Variants in SOX5 observed in about 807,000 individuals in gnomAD.
SOX5 encodes the protein SRY-box transcription factor 5.
A neutral mutation model predicts 92.0 loss-of-function variants in SOX5; 9 were observed. The observed-to-expected ratio is 0.10, with a 90% CI of 0.06 to 0.17. The LOEUF (loss-of-function observed/expected upper bound fraction) is 0.17, where lower values mean the gene tolerates loss of function less well. Among genes scored for constraint, SOX5 ranks in the 10% least tolerant of loss-of-function variants. SOX5 has a pLI of 1.00. For synonymous variants in SOX5, 344 were observed against 336.3 expected (o/e 1.02, Z -0.25); for missense variants, 642 against 944.5 (o/e 0.68, Z 4.20).
At chr12:23,870,519 G>C (rs4363705) in intron 2 of SOX5, among the ~76,000 whole-genome samples, 1 of 151,974 alleles carries the variant, frequency 6.6e-6, no homozygotes, top group African/African-American at 2.4e-5. Flanking sequence ...ACACAAGAAA[G>C]CACTTAACAA....
intron 6 of SOX5, among the ~76,000 whole-genome samples, chr12:23,702,247 T>C (rs1310336929): frequency 6.6e-6 from 1 of 152,082 alleles, no homozygotes; most frequent in Non-Finnish European, 1.5e-5. Context: ...AAGGTGAAGA[T>C]GAGAAGGTTG....
chr12:23,640,962 A>C, intron 7 of SOX5, 65 bp from the exon 8 acceptor site: 498 of 1,065,174 alleles, frequency 4.7e-4, no homozygotes, highest in Non-Finnish European at 6.5e-4. Context: ...AATTAAACTC[A>C]TGCATTCACT....
At chr12:24,401,749 T>G (rs938011606) in intron 1 of SOX5, among the ~76,000 whole-genome samples, 2 of 150,780 alleles carry the variant, frequency 1.3e-5, no homozygotes, top group African/African-American at 4.9e-5. Flanking sequence ...TGCAAAATAT[T>G]TTTTTCACTT....
At chr12:23,711,233 T>C (rs2092021922) in intron 6 of SOX5, among the ~76,000 whole-genome samples, 1 of 152,234 alleles carries the variant, frequency 6.6e-6, no homozygotes, top group Admixed American at 6.5e-5. Context: ...GAAGCCTTAT[T>C]ATCTCCCATG....
chr12:24,513,464 C>T (rs1949507598), intron 1 of SOX5, among the ~76,000 whole-genome samples: 1 of 152,172 alleles, frequency 6.6e-6, no homozygotes, highest in Admixed American at 6.5e-5. Context: ...GCATGCTTTT[C>T]TTCTAATTAA....
rs1351086937 is a variant in SOX5, at chr12:23,534,537, ATTTCC to A, written c.1989-20_1989-16del. ...GTGCTTGTTGCCTGTCAAGAAAGGA[ATTTCC>A]AAAAAGACATCGTGGGTAAGTGAAT... On this transcript the variant is annotated splice_polypyrimidine_tract_variant and intron_variant, in intron 14 of 14. Coordinates refer to ENST00000451604, the MANE Select transcript of SOX5 (RefSeq NM_006940.6). The A allele has an allele frequency of 6.2e-7, 1 of 1,601,422 alleles. No individual in the cohort carries two copies. Among genetic ancestry groups the A allele is most frequent in the Non-Finnish European group, 8.5e-7 (1 of 1,173,814 alleles).
At chr12:24,351,983 A>C (rs547807540) in intron 2 of SOX5, among the ~76,000 whole-genome samples, 1 of 152,364 alleles carries the variant, frequency 6.6e-6, no homozygotes, top group African/African-American at 2.4e-5. Flanking sequence ...TTCTAAAGGG[A>C]CTGTGAAAGA....
rs1168518667 is a variant in SOX5, at chr12:24,263,583, AAAC to A, written c.-77+13630_-77+13632del. Among the ~76,000 whole-genome samples, 3 of 151,546 alleles carry A rather than the reference AAAC, an allele frequency of 2.0e-5. No individual in the cohort carries two copies. In the East Asian group the frequency reaches 5.8e-4, roughly 29 times the overall value. ...ACAAGAAATTACTAAAAGGAAGATG[AAAC>A]AATACAGAATATATTAATAATCTTT... On this transcript the variant is annotated intron_variant, in intron 3 of 4. Coordinates refer to the SOX5 transcript ENST00000446891.
chr12:23,577,523 T>A (rs1565977439), intron 9 of SOX5, among the ~76,000 whole-genome samples: 3 of 151,938 alleles, frequency 2.0e-5, no homozygotes, highest in Non-Finnish European at 4.4e-5. Flanking sequence ...TTAAGTGGCT[T>A]AATATTATTA....
intron 4 of SOX5, among the ~76,000 whole-genome samples, chr12:23,969,220 C>T (rs1226468967): frequency 1.3e-5 from 2 of 152,138 alleles, no homozygotes; most frequent in South Asian, 2.1e-4. Context: ...GTAATTGTCT[C>T]TACTGTCATT....
intron 4 of SOX5, among the ~76,000 whole-genome samples, chr12:24,096,779 AGT>A (rs961075921): frequency 1.1e-4 from 17 of 151,860 alleles, no homozygotes; most frequent in African/African-American, 3.9e-4. Context: ...CTTGTGCAAA[AGT>A]GTGTGTGTGT....
intron 1 of SOX5, among the ~76,000 whole-genome samples, chr12:24,376,606 G>C (rs1957280931): frequency 6.9e-6 from 1 of 144,208 alleles, no homozygotes; most frequent in Non-Finnish European, 1.5e-5. Context: ...ATATTTTATA[G>C]TAGCTCCTAT....
At chr12:23,904,773 T>C (rs2097273835) in intron 1 of SOX5, among the ~76,000 whole-genome samples, 1 of 152,198 alleles carries the variant, frequency 6.6e-6, no homozygotes, top group South Asian at 2.1e-4. Flanking sequence ...GTTCTCTGCA[T>C]TGAGATCAAG....
intron 4 of SOX5, among the ~76,000 whole-genome samples, chr12:24,060,724 C>A (rs937076029): frequency 1.3e-5 from 2 of 152,176 alleles, no homozygotes. Flanking sequence ...CTAATGGGTT[C>A]TCTATGCGGG....
At chr12:24,398,968 C>T (rs973653310) in intron 1 of SOX5, among the ~76,000 whole-genome samples, 8 of 152,110 alleles carry the variant, frequency 5.3e-5, no homozygotes, top group Non-Finnish European at 7.3e-5. Context: ...AACAGCTTCA[C>T]TATACATGGA....
At chr12:23,960,641 CA>C (rs1946822867) in intron 4 of SOX5, among the ~76,000 whole-genome samples, 1 of 149,106 alleles carries the variant, frequency 6.7e-6, no homozygotes, top group Non-Finnish European at 1.5e-5. Flanking sequence ...CAGCTGTTAA[CA>C]AAAACAAGGA....
intron 3 of SOX5, among the ~76,000 whole-genome samples, chr12:24,240,895 TTTC>T (rs1965437402): frequency 6.6e-6 from 1 of 152,218 alleles, no homozygotes; most frequent in Non-Finnish European, 1.5e-5. Flanking sequence ...TGTACAGATT[TTTC>T]TTAATGACAT....
chr12:24,132,241 T>C (rs539055227), intron 4 of SOX5, among the ~76,000 whole-genome samples: 1 of 152,198 alleles, frequency 6.6e-6, no homozygotes, highest in African/African-American at 2.4e-5. Flanking sequence ...ATTAAACAAA[T>C]TAAACAGTTA....
chr12:23,691,311 C>T (rs1471486548), intron 6 of SOX5, among the ~76,000 whole-genome samples: 1 of 152,184 alleles, frequency 6.6e-6, no homozygotes, highest in Non-Finnish European at 1.5e-5. Flanking sequence ...ACAATTCTAG[C>T]CTTTAAATTG....
Sources: gnomAD v4.1 joint callset for allele counts (sites outside exome capture counted in the v4.1 genomes callset) on GRCh38, gnomAD v4.1.1 for gene constraint, MANE v1.5 for transcripts, NCBI Gene and HGNC (gene_info 2026-07-23, HGNC 2026-07-21) for gene names.